Variants in PRMT7 observed in about 807,000 individuals in gnomAD.
PRMT7 encodes the protein protein arginine methyltransferase 7.
In PRMT7, 75 loss-of-function variants were observed where a neutral mutation model predicts 85.4. The ratio of observed to expected loss-of-function variants is 0.88; its 90% CI spans 0.73 to 1.06. The LOEUF (loss-of-function observed/expected upper bound fraction) is 1.06. Among genes scored for constraint, PRMT7 ranks in the 50% least tolerant of loss-of-function variants. The pLI, the probability that PRMT7 is intolerant of heterozygous loss-of-function variation, is 0.00. For synonymous variants in PRMT7, 397 were observed against 359.5 expected (o/e 1.10, Z -1.18); for missense variants, 868 against 915.2 (o/e 0.95, Z 0.67).
intron 7 of PRMT7, 132 bp downstream of exon 7, chr16:68,337,703 TG>T (rs3833061): frequency 2.3e-6 from 1 of 431,580 alleles, no homozygotes; most frequent in South Asian, 8.0e-5. Flanking sequence ...CCTCCATTCC[TG>T]GGGGGGCTCT....
At chr16:68,318,400 C>T (rs2082122580) in intron 3 of PRMT7, among the ~76,000 whole-genome samples, 1 of 152,074 alleles carries the variant, frequency 6.6e-6, no homozygotes, top group Non-Finnish European at 1.5e-5. Flanking sequence ...GGGGTTTCAC[C>T]GTGTTAGCCA....
chr16:68,347,742 G>C, intron 13 of PRMT7, 64 bp downstream of exon 13: 1 of 1,491,498 alleles, frequency 6.7e-7, no homozygotes, highest in East Asian at 2.3e-5. Flanking sequence ...TGATGGCTTT[G>C]AAGTGGCATT....
intron 14 of PRMT7, among the ~76,000 whole-genome samples, chr16:68,349,775 T>C (rs951333578): frequency 5.3e-5 from 8 of 152,054 alleles, no homozygotes; most frequent in Admixed American, 3.3e-4. Context: ...GTGCCTGTAG[T>C]CCCAGGAGGC....
At chr16:68,329,876 T>TACACACACACACACACACAC (rs6145876) in intron 6 of PRMT7, among the ~76,000 whole-genome samples, 1 of 148,720 alleles carries the variant, frequency 6.7e-6, no homozygotes, top group Non-Finnish European at 1.5e-5. Flanking sequence ...TATGTATATG[T>TACACACACACACACACACAC]ACACACACAC....
At chr16:68,348,830 C>T (rs750354482) in intron 14 of PRMT7, among the ~76,000 whole-genome samples, 8 of 151,580 alleles carry the variant, frequency 5.3e-5, no homozygotes, top group Non-Finnish European at 8.8e-5. Flanking sequence ...GTAGAGTCAG[C>T]GTTTCATCAT....
At chr16:68,332,959 C>T (rs1343094411) in intron 6 of PRMT7, among the ~76,000 whole-genome samples, 1 of 152,086 alleles carries the variant, frequency 6.6e-6, no homozygotes, top group Non-Finnish European at 1.5e-5. Context: ...AAGCCTGATC[C>T]CACTTATTCC....
chr16:68,331,893 CCTTAT>C (rs1379116066), intron 6 of PRMT7, among the ~76,000 whole-genome samples: 2 of 152,132 alleles, frequency 1.3e-5, no homozygotes, highest in African/African-American at 2.4e-5. Context: ...TTTTGAACAT[CCTTAT>C]CTTCTGTTCC....
downstream of PRMT7, chr16:68,358,865 C>CTGATTT (rs2089024952): frequency 6.6e-6 from 1 of 152,504 alleles, no homozygotes; most frequent in Non-Finnish European, 1.5e-5. Flanking sequence ...CTGGCCTGCA[C>CTGATTT]ACAAGGCCCG....
At position 68,347,617 on chromosome 16, in the gene PRMT7, GGT is replaced by G; in HGVS notation, c.1276-11_1276-10del. 9.3e-6 allele frequency: 15 copies of G among 1,610,816 alleles called. No homozygotes were observed. The highest frequency in any genetic ancestry group is 1.3e-5 in the African/African-American group (1 of 74,954). ...GTGAATATCTTACAACTAATAGCGT[GGT>G]GTTCCCTCTAGGTGTTTACAGTCGA... On this transcript the variant is annotated splice_polypyrimidine_tract_variant and intron_variant, in intron 12 of 18. Coordinates refer to ENST00000441236, the MANE Select transcript of PRMT7 (RefSeq NM_019023.5).
At chr16:68,353,276 G>T in intron 15 of PRMT7, 1 of 1,012,300 alleles carries the variant, frequency 9.9e-7, no homozygotes, top group Non-Finnish European at 1.4e-6. Context: ...GTCCCTTATA[G>T]GAGAGGACTC....
At chr16:68,352,851 A>G (rs2035869) in intron 15 of PRMT7, among the ~76,000 whole-genome samples, 74,973 of 152,064 alleles carry the variant, frequency 0.49, 19,392 homozygotes, top group East Asian at 0.79. Context: ...CATTTTGGGA[A>G]GGGCATTTTT....
chr16:68,342,245 T>TCAAA (rs1350494030), intron 9 of PRMT7, among the ~76,000 whole-genome samples: 7 of 151,594 alleles, frequency 4.6e-5, no homozygotes, highest in Non-Finnish European at 1.0e-4. Context: ...ACCACTGCAC[T>TCAAA]CAAACCTGGG....
chr16:68,328,646 G>C, intron 5 of PRMT7: 1 of 184,896 alleles, frequency 5.4e-6, no homozygotes, highest in Non-Finnish European at 1.2e-5. Flanking sequence ...TAGAGGCTGT[G>C]TTCTGCCAAC....
intron 2 of PRMT7, among the ~76,000 whole-genome samples, chr16:68,314,267 G>A (rs558794335): frequency 6.6e-6 from 1 of 152,318 alleles, no homozygotes; most frequent in African/African-American, 2.4e-5. Context: ...GTCTTACTCT[G>A]TTGCCCAGGC....
chr16:68,346,738 T>TG (rs534114801), intron 11 of PRMT7, among the ~76,000 whole-genome samples: 3 of 151,780 alleles, frequency 2.0e-5, no homozygotes, highest in Admixed American at 6.6e-5. Context: ...TTGAGGCCCT[T>TG]GGGGGTGTGT....
intron 9 of PRMT7, among the ~76,000 whole-genome samples, chr16:68,343,954 G>A (rs2085929294): frequency 6.6e-6 from 1 of 152,168 alleles, no homozygotes; most frequent in Non-Finnish European, 1.5e-5. Context: ...TCTCATCAGA[G>A]TTGAGCCAGG....
At chr16:68,346,068 A>G (rs2151825404) in intron 10 of PRMT7, 77 bp from the exon 11 acceptor site, 2 of 1,592,890 alleles carry the variant, frequency 1.3e-6, no homozygotes, top group East Asian at 2.2e-5. Flanking sequence ...ACTGGAGACC[A>G]GTGTCCAGAT....
intron 4 of PRMT7, chr16:68,323,967 A>C (rs919943989): frequency 6.6e-6 from 1 of 152,244 alleles, no homozygotes; most frequent in African/African-American, 2.4e-5. Flanking sequence ...TGGGGAAAAT[A>C]CTTTTTAGTG....
chr16:68,333,000 A>G (rs2084121982), intron 6 of PRMT7, among the ~76,000 whole-genome samples: 2 of 151,890 alleles, frequency 1.3e-5, no homozygotes, highest in African/African-American at 4.8e-5. Context: ...TGATTCATTT[A>G]TTTATTTTTT....
Sources: gnomAD v4.1 joint callset for allele counts (sites outside exome capture counted in the v4.1 genomes callset) on GRCh38, gnomAD v4.1.1 for gene constraint, MANE v1.5 for transcripts, NCBI Gene and HGNC (gene_info 2026-07-23, HGNC 2026-07-21) for gene names.